FASLG: variants seen among roughly 807,000 people sequenced by gnomAD.
FASLG encodes the protein tumor necrosis factor ligand superfamily member 6.
A neutral mutation model predicts 24.6 loss-of-function variants in FASLG; 9 were observed. The observed-to-expected ratio is 0.37, with a 90% CI of 0.22 to 0.64. FASLG has a LOEUF of 0.64. FASLG is among the 30% of genes least tolerant of loss of function. The pLI is 0.64. For synonymous variants in FASLG, 130 were observed against 135.5 expected (o/e 0.96, Z 0.28); for missense variants, 306 against 345.3 (o/e 0.89, Z 0.90).
chr1:172,663,550 G>A (rs1271178747), intron 2 of FASLG, among the ~76,000 whole-genome samples: 3 of 152,154 alleles, frequency 2.0e-5, no homozygotes, highest in Non-Finnish European at 4.4e-5. Context: ...CATGAACAAA[G>A]GCACAGAGGA....
At chr1:172,663,092 T>G (rs1221692237) in intron 2 of FASLG, among the ~76,000 whole-genome samples, 2 of 152,160 alleles carry the variant, frequency 1.3e-5, no homozygotes, top group Non-Finnish European at 1.5e-5. Flanking sequence ...GCATCTCCTG[T>G]GAATATTTAT....
At chr1:172,662,940 T>C (rs765199057) in intron 2 of FASLG, among the ~76,000 whole-genome samples, 4 of 152,176 alleles carry the variant, frequency 2.6e-5, no homozygotes, top group Non-Finnish European at 4.4e-5. Context: ...TTGCCTTTCC[T>C]GTTCGCTAAC....
chr1:172,664,621 A>C (rs1005844537), intron 3 of FASLG, among the ~76,000 whole-genome samples: 1 of 152,238 alleles, frequency 6.6e-6, no homozygotes, highest in African/African-American at 2.4e-5. Flanking sequence ...TGATTATGAC[A>C]TGACCCCTGC....
In FASLG at chr1:172,666,618, T is replaced by G. The variant is rs968977798; in HGVS notation, c.*602T>G. Reference sequence around the variant, plus strand: ...TGTATTTCCAGTGCAATTGTAGGGGTGTGTGTGTGTGTGTGTGTGTGTGTG... The same window carrying G: ...TGTATTTCCAGTGCAATTGTAGGGGGGTGTGTGTGTGTGTGTGTGTGTGTG... On this transcript the variant is annotated 3_prime_UTR_variant, in exon 4 of 4. Transcript: ENST00000367721. 4.5e-4 allele frequency: 56 copies of G among 124,018 alleles called. 1 individual carries two copies. The highest frequency in any genetic ancestry group is 1.2e-3 in the East Asian group (6 of 4,938). The allele number at this position is 124,018 out of a possible 1,614,324, so 7.7% of individuals were successfully genotyped here. A position where few individuals can be genotyped will look rare whatever the true frequency, so the allele number is the denominator to read the frequency against.
rs780144691 is a variant in FASLG at position 172,659,380 on chromosome 1, C to T, written c.179C>T (p.Pro60Leu). 3.5e-5 allele frequency: 57 copies of T among 1,611,088 alleles called. 1 individual carries two copies. The highest frequency in any genetic ancestry group is 2.0e-4 in the South Asian group (18 of 90,808). Residue 60 changes from proline to leucine, a missense_variant, in exon 1 of 4, where the codon CCG (proline) becomes CTG (leucine). Pro to Leu is a moderately conservative substitution (Grantham distance 98, BLOSUM62 -3). Coordinates refer to ENST00000367721, the MANE Select transcript of FASLG (RefSeq NM_000639.3). Reference sequence around the variant, plus strand: ...CCACCACTACCACCTCCGCCGCCGCCGCCACCACTGCCTCCACTACCGCTG... The same window carrying T: ...CCACCACTACCACCTCCGCCGCCGCTGCCACCACTGCCTCCACTACCGCTG... Reference protein sequence around the residue: ...PPPPLPPPPPPPPLPPLPLPP... With the variant: ...PPPPLPPPPPLPPLPPLPLPP...
Position 172,665,960 on chromosome 1 carries a change from C to A in FASLG, c.790C>A (p.Leu264Ile), listed in dbSNP as rs1423625404. The change falls in exon 4 of 4, where the codon CTC (leucine) becomes ATC (isoleucine). Residue 264 changes from leucine (L) to isoleucine (I), a missense_variant. By Grantham distance (5) the Leu-to-Ile change is conservative. Transcript: ENST00000367721. ...TCATTTATATGTCAACGTATCTGAGCTCTCTCTGGTCAATTTTGAGGAATC... is the reference window on the plus strand; with the variant it reads ...TCATTTATATGTCAACGTATCTGAGATCTCTCTGGTCAATTTTGAGGAATC... ...ADHLYVNVSELSLVNFEESQT... is the reference protein window; with the variant it reads ...ADHLYVNVSEISLVNFEESQT... 6.2e-7 allele frequency: 1 copy of A among 1,613,946 alleles called. No individual in the cohort carries two copies. Among genetic ancestry groups the A allele is most frequent in the Non-Finnish European group, 8.5e-7 (1 of 1,179,888 alleles).
At chr1:172,665,537 A>G in intron 3 of FASLG, 85 bp from the exon 4 acceptor site, 2 of 1,491,438 alleles carry the variant, frequency 1.3e-6, no homozygotes, top group Non-Finnish European at 9.2e-7. Context: ...TTGTTGAAGG[A>G]AGGGCCCACA....
At chr1:172,664,198 C>A in intron 2 of FASLG, 136 bp from the exon 3 acceptor site, 2 of 862,562 alleles carry the variant, frequency 2.3e-6, no homozygotes, top group South Asian at 1.6e-5. Context: ...TTCAGACCTA[C>A]ATGATTAGTA....
Position 172,659,468 on chromosome 1 carries a change from G to C in FASLG, c.267G>C (p.Met89Ile). Residue 89 changes from methionine (M) to isoleucine (I), a missense_variant, in exon 1 of 4, where the codon ATG (methionine) becomes ATC (isoleucine). Coordinates refer to ENST00000367721, the MANE Select transcript of FASLG (RefSeq NM_000639.3). ...TGLCLLVMFF[M>I]VLVALVGLGL... Reference sequence around the variant, plus strand: ...TGTGTCTCCTTGTGATGTTTTTCATGGTTCTGGTTGCCTTGGTAGGATTGG... The same window carrying C: ...TGTGTCTCCTTGTGATGTTTTTCATCGTTCTGGTTGCCTTGGTAGGATTGG... The C allele has an allele frequency of 6.2e-7, 1 of 1,614,040 alleles. No homozygotes were observed.
At chr1:172,659,947 G>A in intron 1 of FASLG, 148 bp from the exon 2 acceptor site, 4 of 817,528 alleles carry the variant, frequency 4.9e-6, no homozygotes, top group Non-Finnish European at 7.8e-6. Flanking sequence ...GGACAGTGAG[G>A]CAAAATTGCT....
At chr1:172,665,139 A>G (rs1310234977) in intron 3 of FASLG, among the ~76,000 whole-genome samples, 1 of 152,166 alleles carries the variant, frequency 6.6e-6, no homozygotes, top group Non-Finnish European at 1.5e-5. Flanking sequence ...GGTTATGTTC[A>G]TGATGTTGTG....
chr1:172,665,947 C>G lies in FASLG; in HGVS notation c.777C>G (p.Val259=). The G allele has an allele frequency of 6.2e-7, 1 of 1,613,680 alleles. No individual in the cohort carries two copies. The highest frequency in any genetic ancestry group is 8.5e-7 in the Non-Finnish European group (1 of 1,179,720). Residue 259 remains valine (V), a synonymous_variant, in exon 4 of 4, where the codon GTC becomes GTG. Transcript: ENST00000367721. The part of the protein sequence containing the change: ...FNLTSADHLY[V]NVSELSLVNF... ...TTACCAGTGCTGATCATTTATATGT[C>G]AACGTATCTGAGCTCTCTCTGGTCA...
chr1:172,661,727 A>G (rs1659146769), intron 2 of FASLG, among the ~76,000 whole-genome samples: 1 of 152,232 alleles, frequency 6.6e-6, no homozygotes, highest in Admixed American at 6.5e-5. Flanking sequence ...GATGCAAATT[A>G]AAAATAGGGA....
chr1:172,659,915 G>T (rs1256502424), intron 1 of FASLG, among the ~76,000 whole-genome samples, 180 bp from the exon 2 acceptor site: 1 of 152,234 alleles, frequency 6.6e-6, no homozygotes, highest in South Asian at 2.1e-4. Context: ...AAATTGGTAC[G>T]ATTCCAAATC....
intron 2 of FASLG, among the ~76,000 whole-genome samples, chr1:172,661,107 T>C (rs1659127622): frequency 6.6e-6 from 1 of 152,232 alleles, no homozygotes; most frequent in East Asian, 1.9e-4. Flanking sequence ...TACAGGGCTT[T>C]CCAGTACTGG....
Position 172,659,405 on chromosome 1 carries a change from G to A in FASLG, c.204G>A (p.Leu68=), listed in dbSNP as rs951438902. 34 of 1,612,698 alleles carry A rather than the reference G, an allele frequency of 2.1e-5. No individual in the cohort carries two copies. Among genetic ancestry groups the A allele is most frequent in the Admixed American group, 1.8e-4 (11 of 59,734 alleles). The change falls in exon 1 of 4, where the codon CTG becomes CTA. Residue 68 remains leucine, a synonymous_variant. Coordinates refer to ENST00000367721, the MANE Select transcript of FASLG (RefSeq NM_000639.3). ...CGCCACCACTGCCTCCACTACCGCT[G>A]CCACCCCTGAAGAAGAGAGGGAACC... ...PPPPPLPPLP[L]PPLKKRGNHS...
At chr1:172,664,715 G>A (rs1343696719) in intron 3 of FASLG, among the ~76,000 whole-genome samples, 2 of 152,208 alleles carry the variant, frequency 1.3e-5, no homozygotes. Flanking sequence ...AGATGAGAAG[G>A]TGAGGAATGA....
rs759431087 is a variant in FASLG at position 172,660,097 on chromosome 1, T to G, written c.351T>G (p.Ser117=). 10 of 1,614,122 alleles carry G rather than the reference T, an allele frequency of 6.2e-6. No individual in the cohort carries two copies. In the South Asian group the frequency reaches 9.9e-5, roughly 16 times the overall value. The change falls in exon 2 of 4, where the codon TCT becomes TCG. Residue 117 remains serine (S), a splice_region_variant and synonymous_variant. Coordinates refer to ENST00000367721, the MANE Select transcript of FASLG (RefSeq NM_000639.3). ...LQKELAELRE[S]TSQMHTASSL... ...CTTTTCTCTTTCTGTTTTACTAGTC[T>G]ACCAGCCAGATGCACACAGCATCAT...
Position 172,659,558 on chromosome 1 carries a change from G to A in FASLG, c.348+9G>A, listed in dbSNP as rs942600504. On this transcript the variant is annotated intron_variant, in intron 1 of 3. Transcript: ENST00000367721. ...TGGCAGAACTCCGAGAGGTAAGCCTGCCGGCAGACTGCTGTGCCCTGGAGG... is the reference window on the plus strand; with the variant it reads ...TGGCAGAACTCCGAGAGGTAAGCCTACCGGCAGACTGCTGTGCCCTGGAGG... The A allele has an allele frequency of 9.9e-6, 16 of 1,612,996 alleles. 1 individual carries two copies. In the East Asian group the frequency reaches 1.1e-4, roughly 11 times the overall value.
Sources: allele counts gnomAD v4.1 joint callset (sites outside exome capture counted in the v4.1 genomes callset), GRCh38; gene constraint gnomAD v4.1.1; transcripts MANE v1.5; gene names NCBI Gene and HGNC (gene_info 2026-07-23, HGNC 2026-07-21).